ANKRD42: variants seen among roughly 807,000 people sequenced by gnomAD.
The protein encoded by ANKRD42 is ankyrin repeat domain-containing protein 42.
ANKRD42 carries 43 observed loss-of-function variants against 51.5 expected under a neutral mutation model. That is an observed-to-expected ratio of 0.83 (90% CI 0.65 to 1.08). ANKRD42 has a LOEUF of 1.08. Ranked by LOEUF, ANKRD42 falls within the 50% of genes least tolerant of loss-of-function variation. The probability of loss-of-function intolerance (pLI) is 0.00; values close to 1 mark genes in which losing one functional copy is unlikely to be tolerated. For missense variants in ANKRD42, 608 were observed against 629.3 expected, an observed-to-expected ratio of 0.97 and a Z score of 0.36; for synonymous variants, 203 against 213.0, an observed-to-expected ratio of 0.95 and a Z score of 0.41.
intron 5 of ANKRD42, among the ~76,000 whole-genome samples, chr11:83,219,204 G>T (rs1862637217): frequency 1.3e-5 from 2 of 152,182 alleles, no homozygotes; most frequent in African/African-American, 4.8e-5. Flanking sequence ...GCTCATGGCT[G>T]CTTTTCCTGA....
At chr11:83,203,349 T>A (rs184053829) in intron 2 of ANKRD42, among the ~76,000 whole-genome samples, 2 of 152,032 alleles carry the variant, frequency 1.3e-5, no homozygotes, top group African/African-American at 2.4e-5. Flanking sequence ...TGCTTTTCTC[T>A]ATTCCTACTT....
chr11:83,199,808 TC>T (rs1408445939), intron 2 of ANKRD42, among the ~76,000 whole-genome samples: 1 of 152,216 alleles, frequency 6.6e-6, no homozygotes, highest in Non-Finnish European at 1.5e-5. Flanking sequence ...TATTTGTACT[TC>T]TTTGCTTCTT....
At chr11:83,245,859 A>C (rs1231536055) in intron 10 of ANKRD42, among the ~76,000 whole-genome samples, 3 of 152,228 alleles carry the variant, frequency 2.0e-5, no homozygotes, top group Non-Finnish European at 4.4e-5. Flanking sequence ...AGTAGTGTTA[A>C]GTACATTCCC....
chr11:83,248,305 ACAC>A lies in ANKRD42; in HGVS notation c.*102_*104del, dbSNP rs1863605182. ...GACAGGATTAAAGGAATACACACAC[ACAC>A]ACACACACACACACACACACACACA... On this transcript the variant is annotated 3_prime_UTR_variant, in exon 11 of 11. Transcript: ENST00000533342. The A allele has an allele frequency of 3.7e-5, 30 of 816,286 alleles. No individual in the cohort carries two copies. The highest frequency in any genetic ancestry group is 4.3e-5 in the Non-Finnish European group (27 of 625,748). 50.6% of individuals were successfully genotyped at this position (816,286 alleles called of 1,614,324 possible).
rs771790909 is a variant in ANKRD42 at position 83,212,990 on chromosome 11, C to G, written c.586+1560C>G. 1.4e-5 allele frequency: 23 copies of G among 1,598,084 alleles called. No homozygotes were observed. The Middle Eastern group carries it at 6.6e-4, about 46-fold the overall frequency. ...CGCTGCCTACGGAGGTGGCAGCCATCTCCTCCTCAGCATCATGGCCACCCT... is the reference window on the plus strand; with the variant it reads ...CGCTGCCTACGGAGGTGGCAGCCATGTCCTCCTCAGCATCATGGCCACCCT... On this transcript the variant is annotated intron_variant, in intron 5 of 10. Transcript: ENST00000533342.
chr11:83,245,380 C>A (rs769873287), intron 9 of ANKRD42, 118 bp from the exon 10 acceptor site: 3 of 1,105,494 alleles, frequency 2.7e-6, no homozygotes, highest in Non-Finnish European at 3.7e-6. Flanking sequence ...CTCCACCCCC[C>A]TCTCCAAACC....
intron 2 of ANKRD42, among the ~76,000 whole-genome samples, chr11:83,203,986 A>G (rs1349388768): frequency 6.6e-6 from 1 of 152,050 alleles, no homozygotes; most frequent in African/African-American, 2.4e-5. Context: ...TCTGTTGTCC[A>G]GGCTGGAGTA....
At chr11:83,247,879 A>T in intron 10 of ANKRD42, 64 bp from the exon 11 acceptor site, 1 of 1,331,174 alleles carries the variant, frequency 7.5e-7, no homozygotes, top group Non-Finnish European at 1.0e-6. Flanking sequence ...AATGCTTTCC[A>T]CTACTAAAAG....
chr11:83,246,721 C>G (rs1479065443), intron 10 of ANKRD42, among the ~76,000 whole-genome samples: 2 of 152,124 alleles, frequency 1.3e-5, no homozygotes, highest in African/African-American at 2.4e-5. Flanking sequence ...CCACCTGTTT[C>G]CAAATCTAGT....
chr11:83,239,478 A>G (rs1863323437), intron 8 of ANKRD42, among the ~76,000 whole-genome samples: 1 of 152,190 alleles, frequency 6.6e-6, no homozygotes, highest in Admixed American at 6.5e-5. Context: ...GATTAACACA[A>G]AGTCATAAAA....
At chr11:83,233,173 A>T (rs899850437) in intron 7 of ANKRD42, among the ~76,000 whole-genome samples, 1 of 149,676 alleles carries the variant, frequency 6.7e-6, no homozygotes, top group African/African-American at 2.4e-5. Context: ...TCTTCTTTAA[A>T]TGTTTGATAG....
At chr11:83,195,905 C>G (rs371912088) in intron 1 of ANKRD42, among the ~76,000 whole-genome samples, 1 of 148,314 alleles carries the variant, frequency 6.7e-6, no homozygotes, top group Non-Finnish European at 1.5e-5. Context: ...AGTGCAGTGG[C>G]GCGGTCCTCA....
intron 1 of ANKRD42, among the ~76,000 whole-genome samples, chr11:83,195,124 G>A (rs1218766034): frequency 6.6e-6 from 1 of 151,978 alleles, no homozygotes; most frequent in East Asian, 1.9e-4. Context: ...CTTTTCTTCT[G>A]CCATCTTCTT....
chr11:83,238,242 A>G, intron 8 of ANKRD42, among the ~76,000 whole-genome samples: 1 of 152,220 alleles, frequency 6.6e-6, no homozygotes, highest in Admixed American at 6.5e-5. Flanking sequence ...TTTGGTGGTT[A>G]TGAATAAAGC....
At chr11:83,229,456 G>T (rs575643923) in intron 7 of ANKRD42, among the ~76,000 whole-genome samples, 2 of 152,104 alleles carry the variant, frequency 1.3e-5, no homozygotes, top group South Asian at 4.2e-4. Flanking sequence ...GCGTGTGTGG[G>T]GGTGTCATTT....
chr11:83,202,631 C>T (rs1861915483), intron 2 of ANKRD42, among the ~76,000 whole-genome samples: 1 of 152,184 alleles, frequency 6.6e-6, no homozygotes, highest in Non-Finnish European at 1.5e-5. Flanking sequence ...CCACTGGTTA[C>T]CTGGTTGAAA....
intron 8 of ANKRD42, among the ~76,000 whole-genome samples, chr11:83,237,709 G>C (rs892923312): frequency 1.3e-5 from 2 of 152,086 alleles, no homozygotes; most frequent in Non-Finnish European, 2.9e-5. Context: ...CTATTTTATT[G>C]GTTTAAAATG....
At chr11:83,214,856 A>G (rs1295973045) in intron 5 of ANKRD42, 1 of 152,432 alleles carries the variant, frequency 6.6e-6, no homozygotes, top group Non-Finnish European at 1.5e-5. Context: ...ATACCCATTA[A>G]TCAACTTCTG....
downstream of ANKRD42, chr11:83,257,452 T>C (rs626871): frequency 7.8e-6 from 3 of 383,852 alleles, no homozygotes; most frequent in East Asian, 7.3e-5. Flanking sequence ...AGTTGTTTTT[T>C]GGTCAGCAAA....
Sources: gnomAD v4.1 joint callset for allele counts (sites outside exome capture counted in the v4.1 genomes callset) on GRCh38, gnomAD v4.1.1 for gene constraint, MANE v1.5 for transcripts, NCBI Gene and HGNC (gene_info 2026-07-23, HGNC 2026-07-21) for gene names.